ITCH: variants seen among roughly 807,000 people sequenced by gnomAD.
ITCH encodes E3 ubiquitin-protein ligase Itchy homolog.
ITCH carries 28 observed loss-of-function variants against 126.8 expected under a neutral mutation model. The ratio of observed to expected loss-of-function variants is 0.22; its 90% CI spans 0.16 to 0.30. ITCH has a LOEUF of 0.30. Ranked by LOEUF, ITCH falls within the 10% of genes least tolerant of loss-of-function variation. ITCH has a pLI of 1.00. For missense variants in ITCH, 631 were observed against 1,032.4 expected (o/e 0.61, Z 5.33); for synonymous variants, 342 against 340.0 (o/e 1.01, Z -0.06).
chr20:34,489,232 C>T, intron 20 of ITCH, 34 bp from the exon 21 acceptor site: 1 of 1,603,278 alleles, frequency 6.2e-7, no homozygotes, highest in Non-Finnish European at 8.5e-7. Context: ...AAGATCTAAA[C>T]TTCCTGATAG....
At chr20:34,452,963 T>G (rs560621791) in intron 12 of ITCH, among the ~76,000 whole-genome samples, 1 of 152,364 alleles carries the variant, frequency 6.6e-6, no homozygotes, top group Admixed American at 6.5e-5. Context: ...TATGAAGATA[T>G]TCTCTCATTT....
chr20:34,457,336 A>G (rs1600389740), intron 12 of ITCH, 54 bp from the exon 13 acceptor site: 2 of 1,133,342 alleles, frequency 1.8e-6, no homozygotes, highest in East Asian at 4.7e-5. Context: ...CTTGAGCAAG[A>G]AGACTATGCC....
chr20:34,465,249 G>T (rs185110092), intron 14 of ITCH, among the ~76,000 whole-genome samples: 2 of 151,866 alleles, frequency 1.3e-5, no homozygotes, highest in Admixed American at 6.6e-5. Context: ...CTGTTGGTCT[G>T]TATGTCTGAT....
At chr20:34,431,538 T>A (rs992610816) in intron 7 of ITCH, among the ~76,000 whole-genome samples, 3 of 152,158 alleles carry the variant, frequency 2.0e-5, no homozygotes, top group Non-Finnish European at 4.4e-5. Context: ...TTGGGAATCA[T>A]TCTCTGAGAT....
chr20:34,510,578 T>A lies in ITCH; in HGVS notation c.*2784T>A, dbSNP rs1179499091. ...GGGAAGACAGCATTCCACAGCCTGGTCAGGAGGGAAGGACCTCACTTGTTT... is the reference window on the plus strand; with the variant it reads ...GGGAAGACAGCATTCCACAGCCTGGACAGGAGGGAAGGACCTCACTTGTTT... On this transcript the variant is annotated 3_prime_UTR_variant, in exon 25 of 25. Transcript: ENST00000374864. The A allele has an allele frequency of 6.6e-6, 1 of 151,150 alleles. No individual in the cohort carries two copies. The highest frequency in any genetic ancestry group is 1.5e-5 in the Non-Finnish European group (1 of 67,918). 9.4% of individuals were successfully genotyped at this position (151,150 alleles called of 1,614,324 possible). A position where few individuals can be genotyped will look rare whatever the true frequency, so the allele number is the denominator to read the frequency against.
intron 12 of ITCH, among the ~76,000 whole-genome samples, chr20:34,456,207 TATATATA>T (rs1340332393): frequency 1.6e-4 from 6 of 37,022 alleles, no homozygotes; most frequent in African/African-American, 4.9e-4. Context: ...TATATATATA[TATATATA>T]TTTTTTTTTT....
chr20:34,424,432 A>G (rs1202171053), intron 6 of ITCH, 48 bp from the exon 7 acceptor site: 3 of 1,473,676 alleles, frequency 2.0e-6, no homozygotes, highest in African/African-American at 2.8e-5. Flanking sequence ...AAAAACATGA[A>G]AACTACTCTC....
At chr20:34,482,000 ACT>A (rs1200231849) in intron 20 of ITCH, among the ~76,000 whole-genome samples, 3 of 152,052 alleles carry the variant, frequency 2.0e-5, no homozygotes, top group Admixed American at 6.6e-5. Flanking sequence ...ACAGAGCAAG[ACT>A]CTGTCTCAAA....
At chr20:34,399,962 C>T (rs1019470641) in intron 3 of ITCH, among the ~76,000 whole-genome samples, 5 of 151,438 alleles carry the variant, frequency 3.3e-5, no homozygotes, top group Non-Finnish European at 5.9e-5. Context: ...TTTTTTAAGA[C>T]GGAGTCTCGC....
intron 17 of ITCH, among the ~76,000 whole-genome samples, chr20:34,479,182 G>A (rs1299196041): frequency 6.6e-6 from 1 of 152,066 alleles, no homozygotes; most frequent in African/African-American, 2.4e-5. Flanking sequence ...ACTTGATGGG[G>A]ATTATTATGG....
chr20:34,408,918 T>G (rs1345247359), intron 4 of ITCH, 126 bp downstream of exon 4: 2 of 1,009,000 alleles, frequency 2.0e-6, no homozygotes, highest in Non-Finnish European at 2.9e-6. Context: ...TTCTTTTTTT[T>G]TTTTTCTTTT....
chr20:34,383,328 G>A (rs1479294912), intron 2 of ITCH, among the ~76,000 whole-genome samples: 1 of 151,694 alleles, frequency 6.6e-6, no homozygotes, highest in East Asian at 1.9e-4. Context: ...GGGATTACAG[G>A]CGTGAGCCAC....
intron 4 of ITCH, among the ~76,000 whole-genome samples, chr20:34,409,270 G>C (rs1480337202): frequency 1.3e-5 from 2 of 151,494 alleles, no homozygotes; most frequent in African/African-American, 2.4e-5. Context: ...ATAGCTCACA[G>C]CAGCCTTGAA....
intron 7 of ITCH, among the ~76,000 whole-genome samples, chr20:34,426,882 C>A (rs1568928483): frequency 6.6e-6 from 1 of 151,780 alleles, no homozygotes; most frequent in Admixed American, 6.6e-5. Flanking sequence ...TCAAGCAATT[C>A]TCCTGGCTCA....
chr20:34,478,508 A>G (rs1188366782), intron 17 of ITCH, among the ~76,000 whole-genome samples: 1 of 152,170 alleles, frequency 6.6e-6, no homozygotes, highest in East Asian at 1.9e-4. Flanking sequence ...TAGAGCTGGC[A>G]TTGTGCAAAG....
rs1427844200 is a variant in ITCH at position 34,456,947 on chromosome 20, C to T, written c.1211-443C>T. On this transcript the variant is annotated intron_variant, in intron 12 of 24. Coordinates refer to ENST00000374864, the MANE Select transcript of ITCH (RefSeq NM_031483.7). ...AAAAAAAAAATCCCTAAATGGAGAC[C>T]TGAGTTTCCATCTCATCTCTGCTAC... Among the ~76,000 whole-genome samples, 3 of 151,680 alleles carry T rather than the reference C, an allele frequency of 2.0e-5. No individual in the cohort carries two copies. In the East Asian group the frequency reaches 5.8e-4, roughly 29 times the overall value.
At chr20:34,480,767 TAG>T in intron 19 of ITCH, 35 bp downstream of exon 19, 10 of 1,479,784 alleles carry the variant, frequency 6.8e-6, no homozygotes, top group Non-Finnish European at 9.4e-6. Flanking sequence ...TATTAAAATA[TAG>T]TTATATGCAT....
In ITCH at chr20:34,422,266, A is replaced by G. The variant is rs542424176; in HGVS notation, c.476-2214A>G. ...AAGTACATGATAAAGCTAGGATACA[A>G]ACCTAGGCAGTCTGCCCTCAGAACT... On this transcript the variant is annotated intron_variant, in intron 6 of 24. Transcript: ENST00000374864. Among the ~76,000 whole-genome samples, 155 of 152,334 alleles carry G rather than the reference A, an allele frequency of 1.0e-3. 1 individual carries two copies. The highest frequency in any genetic ancestry group is 1.7e-3 in the Non-Finnish European group (117 of 68,032).
At chr20:34,421,164 C>G (rs1288044607) in intron 6 of ITCH, among the ~76,000 whole-genome samples, 1 of 152,158 alleles carries the variant, frequency 6.6e-6, no homozygotes, top group Non-Finnish European at 1.5e-5. Flanking sequence ...AGCTCAGTGG[C>G]TATTCACAGG....
Sources: gnomAD v4.1 joint callset for allele counts (sites outside exome capture counted in the v4.1 genomes callset) on GRCh38, gnomAD v4.1.1 for gene constraint, MANE v1.5 for transcripts, NCBI Gene and HGNC (gene_info 2026-07-23, HGNC 2026-07-21) for gene names.